Variants in TTC7A observed in about 807,000 individuals in gnomAD.
The protein encoded by TTC7A is tetratricopeptide repeat domain 7A, also known as tetratricopeptide repeat protein 7A.
A neutral mutation model predicts 103.7 loss-of-function variants in TTC7A; 110 were observed. The observed-to-expected ratio is 1.06, with a 90% CI of 0.91 to 1.24. The LOEUF (loss-of-function observed/expected upper bound fraction) is 1.24, where lower values mean the gene tolerates loss of function less well. Among genes scored for constraint, TTC7A ranks in the 50% most tolerant of loss-of-function variants. The probability of loss-of-function intolerance (pLI) is 0.00; values close to 1 mark genes in which losing one functional copy is unlikely to be tolerated. For missense variants in TTC7A, 1,340 were observed against 1,116.3 expected (o/e 1.20, Z -2.86); for synonymous variants, 521 against 467.9 (o/e 1.11, Z -1.47).
At chr2:46,974,447 TTAGGATG>T (rs997737762) in intron 3 of TTC7A, among the ~76,000 whole-genome samples, 1 of 152,166 alleles carries the variant, frequency 6.6e-6, no homozygotes, top group African/African-American at 2.4e-5. Flanking sequence ...CAGTCACACT[TTAGGATG>T]TAAATTGACT....
intron 18 of TTC7A, 35 bp downstream of exon 18, chr2:47,051,915 G>A: frequency 2.5e-6 from 4 of 1,579,980 alleles, no homozygotes; most frequent in Non-Finnish European, 3.4e-6. Flanking sequence ...CACACAGCCT[G>A]TCTGCAGGCC....
rs750573185 is a variant in TTC7A at position 47,029,358 on chromosome 2, C to T, written c.1776C>T (p.Ala592=). The T allele has an allele frequency of 6.2e-7, 1 of 1,613,830 alleles. No individual in the cohort carries two copies. Among genetic ancestry groups the T allele is most frequent in the Non-Finnish European group, 8.5e-7 (1 of 1,180,036 alleles). The change falls in exon 15 of 20, where the codon GCC becomes GCT. Residue 592 remains alanine (A), a synonymous_variant. Coordinates refer to ENST00000319190, the MANE Select transcript of TTC7A (RefSeq NM_020458.4). ...ATGCCCTGGATGTTGTCAACATGGC[C>T]ATCACCGAGCACCCTGAGAACTTCA... The part of the protein sequence containing the change: ...HQHALDVVNM[A]ITEHPENFNL...
At chr2:46,994,226 G>C in intron 6 of TTC7A, 131 bp from the exon 7 acceptor site, 1 of 1,082,746 alleles carries the variant, frequency 9.2e-7, no homozygotes, top group Non-Finnish European at 1.3e-6. Flanking sequence ...GAGTGGGGTT[G>C]GGGAGTTTAC....
At chr2:46,928,606 C>A (rs1026556615) in intron 2 of TTC7A, among the ~76,000 whole-genome samples, 7 of 151,646 alleles carry the variant, frequency 4.6e-5, no homozygotes, top group Non-Finnish European at 8.8e-5. Flanking sequence ...CCTGTCTCTA[C>A]GAAAAATATA....
At chr2:47,039,237 G>A (rs529371731) in intron 15 of TTC7A, among the ~76,000 whole-genome samples, 9 of 152,346 alleles carry the variant, frequency 5.9e-5, no homozygotes, top group African/African-American at 2.2e-4. Context: ...TATGTACATG[G>A]TGGTTACTGT....
In TTC7A at chr2:47,005,031, C is replaced by T. The variant is rs551211918; in HGVS notation, c.1066-891C>T. ...CCTCTTGGAATTAGACAGAATTTCC[C>T]GCTCATACAGCACCTTTCCCTCTCC... is the stretch of plus-strand genomic sequence containing the variant. On this transcript the variant is annotated intron_variant, in intron 8 of 19. Coordinates refer to ENST00000319190, the MANE Select transcript of TTC7A (RefSeq NM_020458.4). 3.3e-5 allele frequency among the ~76,000 whole-genome samples: 5 copies of T among 152,282 alleles called. No individual in the cohort carries two copies. In the South Asian group the frequency reaches 6.2e-4, roughly 19 times the overall value.
In TTC7A at chr2:47,024,350, C is replaced by G. The variant is rs766943905; in HGVS notation, c.1632C>G (p.Leu544=). Residue 544 remains leucine, a synonymous_variant, in exon 14 of 20, where the codon CTC becomes CTG. Transcript: ENST00000319190. ...VILYVSLQLA[L]VRQISSAMEQ... ...TCTATGTCTCGCTGCAGCTGGCCCT[C>G]GTCCGACAGGTGGGTTGTCCGTGTT... 6 of 1,606,002 alleles carry G rather than the reference C, an allele frequency of 3.7e-6. No homozygotes were observed. The East Asian group carries it at 1.4e-4, about 37-fold the overall frequency.
chr2:46,988,872 T>G (rs62138217), intron 5 of TTC7A, among the ~76,000 whole-genome samples: 314 of 152,292 alleles, frequency 2.1e-3, no homozygotes, highest in Non-Finnish European at 3.6e-3. Flanking sequence ...TCCCTTTTGG[T>G]AAGTGACAGC....
At chr2:47,070,109 C>G (rs1236339964) in intron 19 of TTC7A, among the ~76,000 whole-genome samples, 1 of 152,246 alleles carries the variant, frequency 6.6e-6, no homozygotes, top group Non-Finnish European at 1.5e-5. Context: ...GACCTTTGTG[C>G]TGCTCTGCCC....
Position 47,073,795 on chromosome 2 carries a change from CAG to C in TTC7A, c.2450_2451del (p.Gln817ArgfsTer17), listed in dbSNP as rs1413963521. ...ERQSTCHEAW[Q>X]GLGEVLQAQG... ...GCAGAGTACGTGCCACGAGGCGTGGCAGGGCCTGGGCGAGGTGCTGCAGGCCC... is the reference window on the plus strand; with the variant it reads ...GCAGAGTACGTGCCACGAGGCGTGGCGGCCTGGGCGAGGTGCTGCAGGCCC... On this transcript the variant is annotated frameshift_variant, in exon 20 of 20. Transcript: ENST00000319190. LOFTEE classifies it high-confidence loss of function. 2 of 1,613,692 alleles carry C rather than the reference CAG, an allele frequency of 1.2e-6. No individual in the cohort carries two copies. The highest frequency in any genetic ancestry group is 4.5e-5 in the East Asian group (2 of 44,878).
At chr2:47,049,659 C>G (rs1231548733) in intron 16 of TTC7A, among the ~76,000 whole-genome samples, 1 of 152,108 alleles carries the variant, frequency 6.6e-6, no homozygotes, top group East Asian at 1.9e-4. Context: ...TCCCCCTGGC[C>G]TGGGGAGCTT....
At chr2:46,958,922 T>C (rs1033688724) in intron 3 of TTC7A, among the ~76,000 whole-genome samples, 1 of 152,182 alleles carries the variant, frequency 6.6e-6, no homozygotes, top group African/African-American at 2.4e-5. Flanking sequence ...GTTCACAGAA[T>C]GCTGATATTT....
At chr2:46,987,569 T>A (rs1675142444) in intron 5 of TTC7A, among the ~76,000 whole-genome samples, 1 of 152,236 alleles carries the variant, frequency 6.6e-6, no homozygotes, top group South Asian at 2.1e-4. Flanking sequence ...TCCTTCCGCC[T>A]AGACCTGGCA....
chr2:47,057,741 C>G (rs548167235), intron 18 of TTC7A, among the ~76,000 whole-genome samples: 1 of 152,332 alleles, frequency 6.6e-6, no homozygotes, highest in East Asian at 1.9e-4. Context: ...TGGAGCCCAG[C>G]CCATCTTCCT....
chr2:47,031,007 T>A (rs1055611706), intron 15 of TTC7A, among the ~76,000 whole-genome samples: 7 of 152,116 alleles, frequency 4.6e-5, no homozygotes. Context: ...ATTAGCTCGG[T>A]GTGATGGCAG....
At chr2:46,950,311 A>G (rs867974349) in intron 1 of TTC7A, 52 bp from the exon 2 acceptor site, 2 of 1,605,400 alleles carry the variant, frequency 1.2e-6, no homozygotes, top group Admixed American at 1.7e-5. Context: ...AACTCCCTCC[A>G]TTATCCGCCT....
chr2:47,061,028 T>C, intron 19 of TTC7A, 57 bp downstream of exon 19: 3 of 1,486,208 alleles, frequency 2.0e-6, no homozygotes, highest in Non-Finnish European at 2.7e-6. Context: ...AGGGCCCTTA[T>C]CCCGCTTTGT....
intron 1 of TTC7A, among the ~76,000 whole-genome samples, chr2:46,944,202 A>T (rs554253421): frequency 1.9e-4 from 29 of 152,270 alleles, no homozygotes; most frequent in African/African-American, 7.0e-4. Context: ...CAACTTTATT[A>T]TGAAGAATTT....
rs1219714220 is a variant in TTC7A at position 47,076,109 on chromosome 2, A to C, written c.*2186A>C. On this transcript the variant is annotated 3_prime_UTR_variant, in exon 20 of 20. Transcript: ENST00000319190. Reference sequence around the variant, plus strand: ...CTGTGGATATTATAACCTGCATTAAAACAACTCTAAAGAACGCTGCTCATT... The same window carrying C: ...CTGTGGATATTATAACCTGCATTAACACAACTCTAAAGAACGCTGCTCATT... The C allele has an allele frequency of 6.6e-6, 1 of 152,214 alleles. No individual in the cohort carries two copies. Among genetic ancestry groups the C allele is most frequent in the African/African-American group, 2.4e-5 (1 of 41,408 alleles). 9.4% of individuals were successfully genotyped at this position (152,214 alleles called of 1,614,324 possible).
Sources: gnomAD v4.1 joint callset for allele counts (sites outside exome capture counted in the v4.1 genomes callset) on GRCh38, gnomAD v4.1.1 for gene constraint, MANE v1.5 for transcripts, NCBI Gene and HGNC (gene_info 2026-07-23, HGNC 2026-07-21) for gene names.